Variants in FHIT observed in about 807,000 individuals in gnomAD.
The protein encoded by FHIT is bis(5'-adenosyl)-triphosphatase.
Under a neutral mutation model 17.9 loss-of-function variants are expected in FHIT, and 19 were observed. The ratio of observed to expected loss-of-function variants is 1.06; its 90% confidence interval spans 0.74 to 1.56. The LOEUF (loss-of-function observed/expected upper bound fraction) is 1.56. FHIT is among the 40% of genes most tolerant of loss of function. The probability of loss-of-function intolerance (pLI) is 0.00; values close to 1 mark genes in which losing one functional copy is unlikely to be tolerated. For missense variants in FHIT, 248 were observed against 189.2 expected, an observed-to-expected ratio of 1.31 and a Z score of -1.82; for synonymous variants, 81 against 69.7, an observed-to-expected ratio of 1.16 and a Z score of -0.81.
At chr3:60,996,938 C>A (rs1224139717) in intron 3 of FHIT, among the ~76,000 whole-genome samples, 1 of 152,092 alleles carries the variant, frequency 6.6e-6, no homozygotes, top group Non-Finnish European at 1.5e-5. Flanking sequence ...AAAATTTCAC[C>A]CTCATTTTGC....
At chr3:61,043,778 G>C (rs2033647631) in intron 2 of FHIT, among the ~76,000 whole-genome samples, 1 of 152,200 alleles carries the variant, frequency 6.6e-6, no homozygotes, top group Non-Finnish European at 1.5e-5. Flanking sequence ...CTGAGACAAA[G>C]CTTTCAGAGG....
At chr3:59,877,397 G>C (rs959431029) in intron 8 of FHIT, among the ~76,000 whole-genome samples, 1 of 152,176 alleles carries the variant, frequency 6.6e-6, no homozygotes, top group Non-Finnish European at 1.5e-5. Context: ...TGACCATACA[G>C]GGATAAAGTG....
At chr3:61,036,906 T>G (rs7611105) in intron 3 of FHIT, among the ~76,000 whole-genome samples, 2,745 of 48,334 alleles carry the variant, frequency 0.057, 68 homozygotes, top group Non-Finnish European at 0.14. Flanking sequence ...GCTTTGTTTT[T>G]TTTTTTTGTT....
chr3:60,128,047 T>C (rs766723690), intron 5 of FHIT, among the ~76,000 whole-genome samples: 9 of 152,222 alleles, frequency 5.9e-5, no homozygotes, highest in Non-Finnish European at 7.3e-5. Context: ...GGATATGAAG[T>C]ATATACAAGT....
intron 2 of FHIT, among the ~76,000 whole-genome samples, chr3:61,171,921 A>G (rs2038016605): frequency 6.6e-6 from 1 of 152,220 alleles, no homozygotes; most frequent in Admixed American, 6.5e-5. Context: ...AATTTTTAGC[A>G]TATTCCCTTA....
intron 2 of FHIT, among the ~76,000 whole-genome samples, chr3:61,141,905 G>C (rs1480586855): frequency 1.3e-5 from 2 of 151,484 alleles, no homozygotes; most frequent in East Asian, 3.9e-4. Context: ...GATGACTGCA[G>C]TTCACCCAGG....
chr3:60,239,552 A>G (rs1023069190), intron 5 of FHIT, among the ~76,000 whole-genome samples: 2 of 152,170 alleles, frequency 1.3e-5, no homozygotes, highest in African/African-American at 4.8e-5. Context: ...GCAACAGACC[A>G]CAACTCAAAA....
At chr3:61,044,363 A>C (rs925557954) in intron 2 of FHIT, among the ~76,000 whole-genome samples, 3 of 152,234 alleles carry the variant, frequency 2.0e-5, no homozygotes, top group African/African-American at 7.2e-5. Context: ...CAATTCGATC[A>C]AGTGGAAGAA....
intron 5 of FHIT, among the ~76,000 whole-genome samples, chr3:60,142,495 T>C (rs1399810738): frequency 6.6e-6 from 1 of 152,126 alleles, no homozygotes; most frequent in East Asian, 1.9e-4. Flanking sequence ...TTTTTTAATT[T>C]TTTGTTGTTG....
chr3:59,959,245 A>G (rs1038334769), intron 7 of FHIT, among the ~76,000 whole-genome samples: 3 of 152,174 alleles, frequency 2.0e-5, no homozygotes, highest in African/African-American at 7.2e-5. Context: ...CAGTTCTTTG[A>G]TGCTTCTCAA....
intron 5 of FHIT, among the ~76,000 whole-genome samples, chr3:60,459,229 T>A (rs558593739): frequency 1.3e-5 from 2 of 152,326 alleles, no homozygotes; most frequent in Admixed American, 1.3e-4. Flanking sequence ...TAGTATATTT[T>A]AAGGGTTGAG....
intron 5 of FHIT, among the ~76,000 whole-genome samples, chr3:60,301,322 C>T (rs1478807893): frequency 1.3e-5 from 2 of 152,110 alleles, no homozygotes; most frequent in African/African-American, 2.4e-5. Context: ...GCCTTATGTA[C>T]GTATTACTAA....
chr3:60,408,048 G>T (rs1353168795), intron 5 of FHIT, among the ~76,000 whole-genome samples: 1 of 152,136 alleles, frequency 6.6e-6, no homozygotes, highest in East Asian at 1.9e-4. Flanking sequence ...AAAGCTATCT[G>T]AGAAAATTTT....
At chr3:60,689,302 G>A (rs2040933084) in intron 4 of FHIT, among the ~76,000 whole-genome samples, 1 of 152,020 alleles carries the variant, frequency 6.6e-6, no homozygotes, top group South Asian at 2.1e-4. Context: ...ATCAGCAGCA[G>A]TAAAAAGGAC....
intron 5 of FHIT, among the ~76,000 whole-genome samples, chr3:60,240,743 C>CA (rs1234344853): frequency 1.3e-5 from 2 of 152,124 alleles, no homozygotes; most frequent in African/African-American, 4.8e-5. Context: ...TTTGTGGAGA[C>CA]AAAGTCCTCA....
At chr3:60,072,472 A>C (rs1299241177) in intron 5 of FHIT, among the ~76,000 whole-genome samples, 3 of 152,088 alleles carry the variant, frequency 2.0e-5, no homozygotes, top group Non-Finnish European at 2.9e-5. Flanking sequence ...CATCACCAAC[A>C]ACAATAAAAA....
At chr3:60,645,594 C>G (rs1355652432) in intron 4 of FHIT, among the ~76,000 whole-genome samples, 1 of 152,084 alleles carries the variant, frequency 6.6e-6, no homozygotes. Context: ...CTCATATATA[C>G]AAAAGCCATG....
intron 4 of FHIT, among the ~76,000 whole-genome samples, chr3:60,807,703 C>A (rs946084323): frequency 2.0e-5 from 3 of 152,210 alleles, no homozygotes; most frequent in African/African-American, 7.2e-5. Context: ...TCGATTGTCA[C>A]CACCCTGTTT....
At chr3:60,040,507 A>C (rs1452346416) in intron 5 of FHIT, among the ~76,000 whole-genome samples, 4 of 152,042 alleles carry the variant, frequency 2.6e-5, no homozygotes, top group Non-Finnish European at 5.9e-5. Flanking sequence ...TAGGGGGTGA[A>C]ACAGAGCCAT....
Sources: allele counts gnomAD v4.1 joint callset (sites outside exome capture counted in the v4.1 genomes callset), GRCh38; gene constraint gnomAD v4.1.1; transcripts MANE v1.5; gene names NCBI Gene and HGNC (gene_info 2026-07-23, HGNC 2026-07-21).